CDH13: variants seen among roughly 807,000 people sequenced by gnomAD.
CDH13 encodes cadherin 13, also known as cadherin-13.
In CDH13, 24 loss-of-function variants were observed where a neutral mutation model predicts 63.8. That is an observed-to-expected ratio of 0.38 (90% CI 0.27 to 0.53). The LOEUF is 0.53. Among genes scored for constraint, CDH13 ranks in the 20% least tolerant of loss-of-function variants. The pLI is 0.85. For synonymous variants in CDH13, 503 were observed against 355.3 expected (o/e 1.42, Z -4.67); for missense variants, 1,049 against 903.1 (o/e 1.16, Z -2.07).
At chr16:83,696,532 C>G (rs530797565) in intron 10 of CDH13, among the ~76,000 whole-genome samples, 1 of 152,184 alleles carries the variant, frequency 6.6e-6, no homozygotes, top group African/African-American at 2.4e-5. Context: ...GGGGACTTGG[C>G]AGCTGCCAGG....
intron 6 of CDH13, among the ~76,000 whole-genome samples, chr16:83,365,133 A>G (rs2091233811): frequency 6.6e-6 from 1 of 152,230 alleles, no homozygotes; most frequent in Non-Finnish European, 1.5e-5. Context: ...TGCAGTCAGT[A>G]GCTGGAGAGC....
intron 4 of CDH13, among the ~76,000 whole-genome samples, chr16:83,138,450 G>A (rs928122386): frequency 4.6e-5 from 7 of 152,170 alleles, no homozygotes; most frequent in African/African-American, 1.7e-4. Context: ...CAGGCAACGC[G>A]AAGCTGAGAT....
At chr16:83,203,627 A>G (rs973234820) in intron 4 of CDH13, among the ~76,000 whole-genome samples, 2 of 124,278 alleles carry the variant, frequency 1.6e-5, no homozygotes, top group Non-Finnish European at 3.2e-5. Context: ...GCGCCACTGC[A>G]TTCCAGCCTG....
At position 83,670,931 on chromosome 16, in the gene CDH13, A is replaced by C; in HGVS notation, c.1243A>C (p.Thr415Pro). 1 of 1,609,742 alleles carries C rather than the reference A, an allele frequency of 6.2e-7. No homozygotes were observed. The change falls in exon 9 of 14, where the codon ACC becomes CCC. Residue 415 changes from threonine (T) to proline (P), a missense_variant. Thr to Pro is a conservative substitution (Grantham distance 38, BLOSUM62 -1). Coordinates refer to ENST00000567109, the MANE Select transcript of CDH13 (RefSeq NM_001257.5). ...CCCCGGGCAGAGCTTTGAAATCCACACCAACCCTCAAACCAACGAAGGGAT... is the reference window on the plus strand; with the variant it reads ...CCCCGGGCAGAGCTTTGAAATCCACCCCAACCCTCAAACCAACGAAGGGAT... ...GNPGQSFEIH[T>P]NPQTNEGMLS...
rs1597294826 is a variant in CDH13 at position 82,676,975 on chromosome 16, C to T, written c.45+49838C>T. ...CTCAGCTCGCTGCAACCTCCGCCTCCCAGGTTCAAGCGATTCTCCTGCCTC... is the reference window on the plus strand; with the variant it reads ...CTCAGCTCGCTGCAACCTCCGCCTCTCAGGTTCAAGCGATTCTCCTGCCTC... On this transcript the variant is annotated intron_variant, in intron 1 of 13. Transcript: ENST00000567109. Among the ~76,000 whole-genome samples, 3 of 152,290 alleles carry T rather than the reference C, an allele frequency of 2.0e-5. No individual in the cohort carries two copies. In the South Asian group the frequency reaches 6.2e-4, roughly 32 times the overall value.
chr16:82,902,505 C>T (rs1185352442), intron 2 of CDH13, among the ~76,000 whole-genome samples: 1 of 152,050 alleles, frequency 6.6e-6, no homozygotes, highest in African/African-American at 2.4e-5. Context: ...GCTCAGCACA[C>T]TCCTGATTAA....
chr16:82,696,371 C>G (rs2030291531), intron 1 of CDH13, among the ~76,000 whole-genome samples: 1 of 152,076 alleles, frequency 6.6e-6, no homozygotes, highest in Admixed American at 6.5e-5. Context: ...GTAAGTTAAT[C>G]AGAAAGTAAA....
In CDH13 at chr16:82,790,578, G is replaced by C. The variant is rs568143321; in HGVS notation, c.46-67784G>C. ...AAAGCATATCCTGCGTCCCATAGTA[G>C]GGTAGTGTATTAGTCCCTTCTCACG... On this transcript the variant is annotated intron_variant, in intron 1 of 13. Transcript: ENST00000567109. Among the ~76,000 whole-genome samples the C allele has an allele frequency of 2.6e-5, 4 of 152,276 alleles. No individual in the cohort carries two copies. In the South Asian group the frequency reaches 8.3e-4, roughly 32 times the overall value.
chr16:83,531,262 T>A (rs2075076833), intron 7 of CDH13, among the ~76,000 whole-genome samples: 1 of 152,206 alleles, frequency 6.6e-6, no homozygotes, highest in Admixed American at 6.5e-5. Context: ...TATAAATCCA[T>A]TCAGCCTTTC....
chr16:82,806,949 C>G (rs776484725), intron 1 of CDH13, among the ~76,000 whole-genome samples: 3 of 152,184 alleles, frequency 2.0e-5, no homozygotes, highest in Non-Finnish European at 4.4e-5. Context: ...TAGCAGTCAT[C>G]ATTGGGGTGA....
In CDH13 at chr16:83,787,056, C is replaced by G. The variant is rs113912892; in HGVS notation, c.2134+3584C>G. Among the ~76,000 whole-genome samples the G allele has an allele frequency of 4.9e-3, 745 of 152,354 alleles. 3 individuals are homozygous for G. Among genetic ancestry groups the G allele is most frequent in the African/African-American group, 0.017 (711 of 41,588 alleles). On this transcript the variant is annotated intron_variant, in intron 13 of 13. Transcript: ENST00000567109. Reference sequence around the variant, plus strand: ...GTTTTATCCTTTTACTACACACAAACTGACACATACACTCACTCACACACA... The same window carrying G: ...GTTTTATCCTTTTACTACACACAAAGTGACACATACACTCACTCACACACA...
chr16:83,210,821 G>A (rs1424551915), intron 4 of CDH13, among the ~76,000 whole-genome samples: 4 of 151,704 alleles, frequency 2.6e-5, no homozygotes, highest in Non-Finnish European at 4.4e-5. Context: ...TGGCAGTGGG[G>A]GATCCTGGAT....
At chr16:83,505,186 T>C (rs911596256) in intron 7 of CDH13, among the ~76,000 whole-genome samples, 1 of 152,178 alleles carries the variant, frequency 6.6e-6, no homozygotes, top group Non-Finnish European at 1.5e-5. Context: ...AAATCTAGCC[T>C]CCAGATCCCC....
chr16:82,906,785 G>C (rs1026488077), intron 2 of CDH13, among the ~76,000 whole-genome samples: 2 of 152,116 alleles, frequency 1.3e-5, no homozygotes, highest in African/African-American at 4.8e-5. Context: ...GATGCTGGTG[G>C]CTCCTGGCAG....
At chr16:82,889,189 G>A (rs1175225572) in intron 2 of CDH13, among the ~76,000 whole-genome samples, 3 of 152,100 alleles carry the variant, frequency 2.0e-5, no homozygotes, top group African/African-American at 7.2e-5. Flanking sequence ...CCCCTTGAAT[G>A]TTTTAAATGT....
chr16:83,271,422 T>TTTAAAAAAAAAA (rs1555522986), intron 5 of CDH13, among the ~76,000 whole-genome samples: 1 of 26,004 alleles, frequency 3.8e-5, no homozygotes, highest in Non-Finnish European at 7.1e-5. Flanking sequence ...GCAGAGTTCA[T>TTTAAAAAAAAAA]AAAAAAAAAA....
At chr16:83,577,713 A>G (rs1192098512) in intron 7 of CDH13, among the ~76,000 whole-genome samples, 1 of 152,184 alleles carries the variant, frequency 6.6e-6, no homozygotes, top group Non-Finnish European at 1.5e-5. Context: ...GCACCTTGTG[A>G]TACATCCCCC....
chr16:83,411,157 A>G (rs899391955), intron 6 of CDH13, among the ~76,000 whole-genome samples: 1 of 152,146 alleles, frequency 6.6e-6, no homozygotes. Context: ...TTCCTGTCTC[A>G]GGGACCTCAC....
At chr16:83,339,022 G>C (rs1014877281) in intron 5 of CDH13, among the ~76,000 whole-genome samples, 1 of 152,150 alleles carries the variant, frequency 6.6e-6, no homozygotes, top group Non-Finnish European at 1.5e-5. Context: ...ATGGTGGCAG[G>C]CAGTCATGGC....
Sources: allele counts gnomAD v4.1 joint callset (sites outside exome capture counted in the v4.1 genomes callset), GRCh38; gene constraint gnomAD v4.1.1; transcripts MANE v1.5; gene names NCBI Gene and HGNC (gene_info 2026-07-23, HGNC 2026-07-21).